CDK6: variants seen among roughly 807,000 people sequenced by gnomAD.
The protein encoded by CDK6 is cyclin dependent kinase 6.
CDK6 carries 6 observed loss-of-function variants against 37.1 expected under a neutral mutation model. The ratio of observed to expected loss-of-function variants is 0.16; its 90% CI spans 0.09 to 0.32. The LOEUF is 0.32. Among genes scored for constraint, CDK6 ranks in the 10% least tolerant of loss-of-function variants. The pLI, the probability that CDK6 is intolerant of heterozygous loss-of-function variation, is 1.00. For synonymous variants in CDK6, 160 were observed against 161.3 expected, an observed-to-expected ratio of 0.99 and a Z score of 0.06; for missense variants, 224 against 418.9, an observed-to-expected ratio of 0.53 and a Z score of 4.06.
chr7:92,726,804 T>C (rs1331111918), intron 3 of CDK6, among the ~76,000 whole-genome samples: 1 of 152,168 alleles, frequency 6.6e-6, no homozygotes, highest in Non-Finnish European at 1.5e-5. Context: ...CTTTATCAAA[T>C]CAATGAACAA....
chr7:92,675,131 G>T (rs1246748850), intron 4 of CDK6, among the ~76,000 whole-genome samples: 1 of 152,208 alleles, frequency 6.6e-6, no homozygotes, highest in Non-Finnish European at 1.5e-5. Context: ...ACTGTGCTCA[G>T]CAAGAAACTG....
chr7:92,672,162 C>CACACAT (rs1797089740), intron 4 of CDK6, among the ~76,000 whole-genome samples: 1 of 35,770 alleles, frequency 2.8e-5, no homozygotes, highest in African/African-American at 9.8e-5. Flanking sequence ...TATATATATA[C>CACACAT]ACATACACAC....
At chr7:92,788,640 G>A (rs1053938562) in intron 2 of CDK6, among the ~76,000 whole-genome samples, 1 of 152,144 alleles carries the variant, frequency 6.6e-6, no homozygotes, top group Non-Finnish European at 1.5e-5. Context: ...ACATGCAGAT[G>A]AGACCAAAAG....
chr7:92,617,405 A>C (rs1165669869), intron 7 of CDK6, among the ~76,000 whole-genome samples: 1 of 152,210 alleles, frequency 6.6e-6, no homozygotes, highest in Non-Finnish European at 1.5e-5. Context: ...GCAGATATCA[A>C]AGGCTGTTAA....
rs901662004 is a variant in CDK6 at position 92,615,086 on chromosome 7, A to G, written c.*54T>C. 3 of 1,599,640 alleles carry G rather than the reference A, an allele frequency of 1.9e-6. No individual in the cohort carries two copies. Among genetic ancestry groups the G allele is most frequent in the African/African-American group, 1.3e-5 (1 of 74,616 alleles). On this transcript the variant is annotated 3_prime_UTR_variant, in exon 8 of 8. Coordinates refer to ENST00000424848, the MANE Select transcript of CDK6 (RefSeq NM_001145306.2). ...CTGTAGGGCTTGCTGAGGGGGACCC[A>G]TAAGCCACCAAGGGTGTTCTCCGCA...
At chr7:92,754,403 T>C (rs1692112520) in intron 3 of CDK6, among the ~76,000 whole-genome samples, 1 of 152,222 alleles carries the variant, frequency 6.6e-6, no homozygotes, top group South Asian at 2.1e-4. Flanking sequence ...GTTCCAGGTC[T>C]ACATAAATGA....
chr7:92,740,698 A>G (rs542785907), intron 3 of CDK6, among the ~76,000 whole-genome samples: 1 of 152,296 alleles, frequency 6.6e-6, no homozygotes, highest in East Asian at 1.9e-4. Flanking sequence ...TCATTTACTC[A>G]TTCTACATTT....
chr7:92,759,990 C>G (rs1411775890), intron 3 of CDK6, among the ~76,000 whole-genome samples: 1 of 152,134 alleles, frequency 6.6e-6, no homozygotes, highest in Non-Finnish European at 1.5e-5. Context: ...TTCATAATAT[C>G]TTATCTATTC....
intron 3 of CDK6, among the ~76,000 whole-genome samples, chr7:92,743,166 T>C (rs758906959): frequency 8.0e-4 from 121 of 151,800 alleles, no homozygotes; most frequent in Middle Eastern, 3.4e-3. Context: ...TCCTGCTACT[T>C]TGAGTTCGAG....
intron 5 of CDK6, among the ~76,000 whole-genome samples, chr7:92,648,502 C>T (rs1048095028): frequency 2.0e-5 from 3 of 152,078 alleles, no homozygotes; most frequent in African/African-American, 7.2e-5. Flanking sequence ...GGGATGAATC[C>T]CTGATGTTTG....
chr7:92,755,143 G>A (rs1274928371), intron 3 of CDK6, among the ~76,000 whole-genome samples: 1 of 152,044 alleles, frequency 6.6e-6, no homozygotes, highest in Non-Finnish European at 1.5e-5. Flanking sequence ...TAATTTACTG[G>A]TCCCTTTGAA....
chr7:92,609,427 C>A lies in CDK6; in HGVS notation c.*5713G>T, dbSNP rs1210694674. 4.4e-6 allele frequency: 1 copy of A among 228,882 alleles called. No homozygotes were observed. Among genetic ancestry groups the A allele is most frequent in the South Asian group, 1.8e-4 (1 of 5,444 alleles). The allele number at this position is 228,882 out of a possible 1,614,324, so 14.2% of individuals were successfully genotyped here. ...CCTAAGTTGTTATGCTCATATACTTCAGACTTTTTTTTTTTAATTAGAGCT... is the reference window on the plus strand; with the variant it reads ...CCTAAGTTGTTATGCTCATATACTTAAGACTTTTTTTTTTTAATTAGAGCT... On this transcript the variant is annotated 3_prime_UTR_variant, in exon 8 of 8. Transcript: ENST00000424848.
intron 5 of CDK6, among the ~76,000 whole-genome samples, chr7:92,649,425 C>G (rs1233677924): frequency 6.6e-6 from 1 of 152,194 alleles, no homozygotes; most frequent in African/African-American, 2.4e-5. Flanking sequence ...TTGCTTCTCT[C>G]ATACAGGTGG....
intron 2 of CDK6, among the ~76,000 whole-genome samples, chr7:92,775,459 G>A (rs1006542563): frequency 2.6e-4 from 40 of 152,110 alleles, no homozygotes; most frequent in Admixed American, 6.5e-4. Flanking sequence ...TTTTTCAGGG[G>A]TAGGGGGACC....
chr7:92,804,999 G>A (rs145255866), intron 2 of CDK6, among the ~76,000 whole-genome samples: 4 of 152,270 alleles, frequency 2.6e-5, no homozygotes, highest in South Asian at 2.1e-4. Context: ...AAGACTGAAC[G>A]AATGAGTAGA....
chr7:92,791,598 C>T (rs1800282886), intron 2 of CDK6, among the ~76,000 whole-genome samples: 1 of 152,068 alleles, frequency 6.6e-6, no homozygotes, highest in Non-Finnish European at 1.5e-5. Flanking sequence ...CAGGCTTGCC[C>T]TGGCTAACTC....
chr7:92,663,560 G>C (rs1482042412), intron 5 of CDK6, among the ~76,000 whole-genome samples: 2 of 151,920 alleles, frequency 1.3e-5, no homozygotes, highest in African/African-American at 2.4e-5. Flanking sequence ...AATTAGCTGG[G>C]CGTGGCGGCA....
intron 4 of CDK6, among the ~76,000 whole-genome samples, chr7:92,701,041 G>C (rs1481376865): frequency 2.0e-5 from 3 of 152,222 alleles, no homozygotes; most frequent in Admixed American, 2.0e-4. Context: ...TGCCTACCAT[G>C]CCTTTCCCAC....
chr7:92,779,357 C>T (rs754536575), intron 2 of CDK6, among the ~76,000 whole-genome samples: 39 of 152,170 alleles, frequency 2.6e-4, no homozygotes, highest in East Asian at 1.2e-3. Context: ...TCATTTCAAT[C>T]GGTAGTTTTT....
Sources: gnomAD v4.1 joint callset for allele counts (sites outside exome capture counted in the v4.1 genomes callset) on GRCh38, gnomAD v4.1.1 for gene constraint, MANE v1.5 for transcripts, NCBI Gene and HGNC (gene_info 2026-07-23, HGNC 2026-07-21) for gene names.